Variants in DOCK5 observed in about 807,000 individuals in gnomAD.
DOCK5 encodes the protein dedicator of cytokinesis 5.
Under a neutral mutation model 251.8 loss-of-function variants are expected in DOCK5, and 142 were observed. That is an observed-to-expected ratio of 0.56 (90% CI 0.49 to 0.65). DOCK5 has a LOEUF of 0.65. Among genes scored for constraint, DOCK5 ranks in the 30% least tolerant of loss-of-function variants. DOCK5 has a pLI of 0.00. For synonymous variants in DOCK5, 842 were observed against 835.5 expected (o/e 1.01, Z -0.13); for missense variants, 2,111 against 2,312.3 (o/e 0.91, Z 1.79).
chr8:25,402,147 G>C (rs567055995), intron 47 of DOCK5, among the ~76,000 whole-genome samples: 2 of 151,790 alleles, frequency 1.3e-5, no homozygotes, highest in Non-Finnish European at 2.9e-5. Flanking sequence ...TTTTGTTTTT[G>C]AGACAGGATC....
At chr8:25,246,192 T>G (rs962663033) in intron 2 of DOCK5, among the ~76,000 whole-genome samples, 4 of 152,236 alleles carry the variant, frequency 2.6e-5, no homozygotes, top group Non-Finnish European at 5.9e-5. Flanking sequence ...CTTCAATTTT[T>G]GTCCTCCTGG....
At chr8:25,318,623 A>G (rs1448417052) in intron 14 of DOCK5, among the ~76,000 whole-genome samples, 1 of 137,314 alleles carries the variant, frequency 7.3e-6, no homozygotes, top group African/African-American at 2.7e-5. Context: ...TAATTAAGAC[A>G]AGATCTAATG....
intron 40 of DOCK5, among the ~76,000 whole-genome samples, chr8:25,383,374 C>T (rs947390893): frequency 2.6e-5 from 4 of 152,180 alleles, no homozygotes; most frequent in African/African-American, 9.6e-5. Flanking sequence ...AATTTACATT[C>T]CTAACAGTGC....
chr8:25,231,402 A>G (rs1160376077), intron 1 of DOCK5, among the ~76,000 whole-genome samples: 2 of 152,182 alleles, frequency 1.3e-5, no homozygotes, highest in African/African-American at 2.4e-5. Flanking sequence ...TCTCTGGGGC[A>G]TAGTCTTCAG....
At chr8:25,352,135 C>T (rs1800480792) in intron 27 of DOCK5, among the ~76,000 whole-genome samples, 1 of 150,530 alleles carries the variant, frequency 6.6e-6, no homozygotes, top group Non-Finnish European at 1.5e-5. Flanking sequence ...ATCACTTAAA[C>T]GTGAGATGTC....
At chr8:25,339,509 G>C (rs1370825619) in intron 22 of DOCK5, among the ~76,000 whole-genome samples, 1 of 152,184 alleles carries the variant, frequency 6.6e-6, no homozygotes, top group East Asian at 1.9e-4. Context: ...TGTTGGAGTG[G>C]TGGAACCAGC....
intron 28 of DOCK5, among the ~76,000 whole-genome samples, chr8:25,360,575 C>T (rs1800659348): frequency 6.6e-6 from 1 of 152,050 alleles, no homozygotes; most frequent in African/African-American, 2.4e-5. Flanking sequence ...TTGGGGCAAG[C>T]GGTTTAACCT....
Position 25,412,078 on chromosome 8 carries a change from C to CTTTTTTTTTTT in DOCK5, c.*793_*803dup, listed in dbSNP as rs56131241. On this transcript the variant is annotated 3_prime_UTR_variant, in exon 52 of 52. Transcript: ENST00000276440. ...GAAGCTCTTCCTTTTGCACATACGG[C>CTTTTTTTTTTT]TTTTTTTTTTTTTTTTTTTTTTTGT... The CTTTTTTTTTTT allele has an allele frequency of 2.1e-4, 17 of 82,880 alleles. No homozygotes were observed. The highest frequency in any genetic ancestry group is 2.1e-4 in the Non-Finnish European group (10 of 47,912). 5.1% of individuals were successfully genotyped at this position (82,880 alleles called of 1,614,324 possible). A position where few individuals can be genotyped will look rare whatever the true frequency, so the allele number is the denominator to read the frequency against.
At position 25,243,675 on chromosome 8, in the gene DOCK5, G is replaced by A. The variant is rs1374357961; in HGVS notation, c.45G>A (p.Ala15=). 17 of 1,612,716 alleles carry A rather than the reference G, an allele frequency of 1.1e-5. No individual in the cohort carries two copies. Among genetic ancestry groups the A allele is most frequent in the South Asian group, 5.5e-5 (5 of 90,966 alleles). ...CCCTTTTTTATTTCTCATTTCCAGC[G>A]ATCTATAACTACAATGCTTCTCAAG... ...IPTKRQKYGV[A]IYNYNASQDV... Residue 15 remains alanine (A), a splice_region_variant and synonymous_variant, in exon 2 of 52, where the codon GCG becomes GCA. Coordinates refer to ENST00000276440, the MANE Select transcript of DOCK5 (RefSeq NM_024940.8).
chr8:25,305,605 T>C (rs1331548996), intron 11 of DOCK5, among the ~76,000 whole-genome samples: 1 of 152,152 alleles, frequency 6.6e-6, no homozygotes, highest in Admixed American at 6.5e-5. Context: ...TGAATATTTG[T>C]AATATATAAA....
chr8:25,266,372 C>T (rs1173029504), intron 2 of DOCK5, among the ~76,000 whole-genome samples: 4 of 151,584 alleles, frequency 2.6e-5, no homozygotes, highest in African/African-American at 4.9e-5. Flanking sequence ...CCCGCCACCA[C>T]GCCCGGCTAA....
At chr8:25,302,573 C>T in intron 10 of DOCK5, 119 bp downstream of exon 10, 1 of 1,282,922 alleles carries the variant, frequency 7.8e-7, no homozygotes, top group Non-Finnish European at 1.0e-6. Context: ...TGCTTCAAAA[C>T]AATCAAAAGC....
At chr8:25,390,694 C>T (rs1801242116) in intron 42 of DOCK5, among the ~76,000 whole-genome samples, 1 of 152,132 alleles carries the variant, frequency 6.6e-6, no homozygotes, top group Non-Finnish European at 1.5e-5. Context: ...TGGCTGGTCC[C>T]CAGTGATGGA....
intron 1 of DOCK5, among the ~76,000 whole-genome samples, chr8:25,214,212 T>A (rs1172186107): frequency 1.3e-5 from 2 of 152,158 alleles, no homozygotes; most frequent in African/African-American, 4.8e-5. Context: ...GCTCAGCCCT[T>A]AGCAGGTTCT....
rs1801673970 is a variant in DOCK5, at chr8:25,414,126, CTT to C, written c.*2830_*2831del. On this transcript the variant is annotated 3_prime_UTR_variant, in exon 52 of 52. Coordinates refer to ENST00000276440, the MANE Select transcript of DOCK5 (RefSeq NM_024940.8). Reference sequence around the variant, plus strand: ...GTGTTTTTAAATCTTTATTTCCTCTCTTTCTTTGTTCTAGTGACTTGTCTTGC... The same window carrying C: ...GTGTTTTTAAATCTTTATTTCCTCTCTCTTTGTTCTAGTGACTTGTCTTGC... 6.6e-6 allele frequency: 1 copy of C among 152,152 alleles called. No homozygotes were observed. The highest frequency in any genetic ancestry group is 6.5e-5 in the Admixed American group (1 of 15,272). The allele number at this position is 152,152 out of a possible 1,614,324, so 9.4% of individuals were successfully genotyped here. A position where few individuals can be genotyped will look rare whatever the true frequency, so the allele number is the denominator to read the frequency against.
chr8:25,299,244 C>T, intron 8 of DOCK5, 143 bp downstream of exon 8: 1 of 971,160 alleles, frequency 1.0e-6, no homozygotes, highest in Non-Finnish European at 1.5e-6. Context: ...AATGTAAAAT[C>T]ATATGGTCTA....
intron 7 of DOCK5, among the ~76,000 whole-genome samples, chr8:25,297,359 G>T (rs1293454111): frequency 2.0e-5 from 3 of 152,006 alleles, no homozygotes; most frequent in Non-Finnish European, 4.4e-5. Flanking sequence ...CTGGGTTCAA[G>T]CTGTTCTCCT....
At chr8:25,251,347 T>C (rs535828957) in intron 2 of DOCK5, among the ~76,000 whole-genome samples, 1 of 144,452 alleles carries the variant, frequency 6.9e-6, no homozygotes, top group Admixed American at 6.9e-5. Flanking sequence ...ACTCGAAGGA[T>C]AGCACAAATG....
intron 22 of DOCK5, among the ~76,000 whole-genome samples, chr8:25,337,281 A>G (rs1316977324): frequency 2.0e-5 from 3 of 152,178 alleles, no homozygotes; most frequent in African/African-American, 7.2e-5. Flanking sequence ...TATACATTTG[A>G]AAAAGATTAG....
Sources: gnomAD v4.1 joint callset for allele counts (sites outside exome capture counted in the v4.1 genomes callset) on GRCh38, gnomAD v4.1.1 for gene constraint, MANE v1.5 for transcripts, NCBI Gene and HGNC (gene_info 2026-07-23, HGNC 2026-07-21) for gene names.